BTBD10: variants seen among roughly 807,000 people sequenced by gnomAD.
BTBD10 encodes BTB domain containing 10.
In BTBD10, 21 loss-of-function variants were observed where a neutral mutation model predicts 53.2. The observed-to-expected ratio is 0.39, with a 90% CI of 0.28 to 0.57. BTBD10 has a LOEUF of 0.57. Ranked by LOEUF, BTBD10 falls within the 20% of genes least tolerant of loss-of-function variation. The pLI is 0.53. For synonymous variants in BTBD10, 149 were observed against 192.7 expected (o/e 0.77, Z 1.88); for missense variants, 360 against 594.7 (o/e 0.61, Z 4.10).
intron 1 of BTBD10, among the ~76,000 whole-genome samples, chr11:13,453,443 C>G (rs1282724363): frequency 6.6e-6 from 1 of 152,004 alleles, no homozygotes; most frequent in Non-Finnish European, 1.5e-5. Flanking sequence ...TGTTGTATCC[C>G]TTCATACTAC....
rs1949810324 is a variant in BTBD10, at chr11:13,405,847, A to T, written c.818T>A (p.Met273Lys). 6.2e-7 allele frequency: 1 copy of T among 1,612,338 alleles called. No homozygotes were observed. ...TIKCRDLSAL[M>K]HELSNDGARR... ...AGCACCATCATTTGATAACTCATGC[A>T]TTAGGGCACCTGAAATGAAATCCAC... The change falls in exon 7 of 9, where the codon ATG (methionine) becomes AAG (lysine). Residue 273 changes from methionine (M) to lysine (K), a missense_variant. By Grantham distance (95) the Met-to-Lys change is moderately conservative. Transcript: ENST00000278174.
chr11:13,405,884 A>G (rs1949811951), intron 6 of BTBD10, 28 bp from the exon 7 acceptor site: 2 of 1,602,878 alleles, frequency 1.2e-6, no homozygotes, highest in Non-Finnish European at 1.7e-6. Flanking sequence ...AAAATATCTT[A>G]CCAAAACTTT....
At chr11:13,432,674 T>C (rs1223024679) in intron 2 of BTBD10, among the ~76,000 whole-genome samples, 2 of 151,878 alleles carry the variant, frequency 1.3e-5, no homozygotes, top group African/African-American at 4.8e-5. Context: ...AGGACAGGAA[T>C]GCTGCAATTT....
intron 1 of BTBD10, among the ~76,000 whole-genome samples, chr11:13,449,991 T>C (rs1174426034): frequency 6.6e-6 from 1 of 152,328 alleles, no homozygotes; most frequent in African/African-American, 2.4e-5. Context: ...ACACTCTAAA[T>C]AGTGTCATTA....
chr11:13,442,460 A>G (rs1041417623), intron 2 of BTBD10, among the ~76,000 whole-genome samples: 1 of 152,114 alleles, frequency 6.6e-6, no homozygotes, highest in Non-Finnish European at 1.5e-5. Flanking sequence ...AAGTTTACTC[A>G]TTTCGTTTTT....
chr11:13,420,579 G>A (rs890780110), intron 3 of BTBD10, among the ~76,000 whole-genome samples: 1 of 151,948 alleles, frequency 6.6e-6, no homozygotes, highest in Non-Finnish European at 1.5e-5. Context: ...AACTTTAAAG[G>A]TGACCTAAAA....
chr11:13,458,535 C>T lies in BTBD10; in HGVS notation c.-58+4557G>A, dbSNP rs370106146. 4.6e-5 allele frequency among the ~76,000 whole-genome samples: 7 copies of T among 152,196 alleles called. No individual in the cohort carries two copies. In the East Asian group the frequency reaches 1.3e-3, roughly 29 times the overall value. ...GAAACTTGTGGATTTGTATTCTAGTCTCAGCTGTCTTACTGCCTGCCAATA... is the reference window on the plus strand; with the variant it reads ...GAAACTTGTGGATTTGTATTCTAGTTTCAGCTGTCTTACTGCCTGCCAATA... On this transcript the variant is annotated intron_variant, in intron 1 of 8. Coordinates refer to ENST00000278174, the MANE Select transcript of BTBD10 (RefSeq NM_032320.7).
intron 2 of BTBD10, among the ~76,000 whole-genome samples, chr11:13,444,574 C>T (rs897131130): frequency 1.3e-5 from 2 of 152,106 alleles, no homozygotes; most frequent in African/African-American, 4.8e-5. Flanking sequence ...TAATTTTTCT[C>T]ATTAATGAGA....
chr11:13,418,491 C>G (rs986344550), intron 4 of BTBD10, among the ~76,000 whole-genome samples: 2 of 151,896 alleles, frequency 1.3e-5, no homozygotes, highest in African/African-American at 4.8e-5. Flanking sequence ...TTAACACTGT[C>G]AAGTCATATT....
chr11:13,389,153 AAAG>A lies in BTBD10; in HGVS notation c.1118-15_1118-13del. 1 of 1,597,044 alleles carries A rather than the reference AAAG, an allele frequency of 6.3e-7. No individual in the cohort carries two copies. The highest frequency in any genetic ancestry group is 1.1e-5 in the South Asian group (1 of 88,848). On this transcript the variant is annotated splice_polypyrimidine_tract_variant and intron_variant, in intron 8 of 8. Coordinates refer to ENST00000278174, the MANE Select transcript of BTBD10 (RefSeq NM_032320.7). ...GTAGGTAGGATAACCTGAAAGAAAGAAAGATTTTAAAAACTGAGGAGACACACA... is the reference window on the plus strand; with the variant it reads ...GTAGGTAGGATAACCTGAAAGAAAGAATTTTAAAAACTGAGGAGACACACA...
In BTBD10 at chr11:13,434,376, A is replaced by G. The variant is rs554061387; in HGVS notation, c.101+10648T>C. Among the ~76,000 whole-genome samples the G allele has an allele frequency of 1.2e-4, 19 of 152,340 alleles. No individual in the cohort carries two copies. The South Asian group carries it at 3.7e-3, about 30-fold the overall frequency. On this transcript the variant is annotated intron_variant, in intron 2 of 8. Coordinates refer to ENST00000278174, the MANE Select transcript of BTBD10 (RefSeq NM_032320.7). ...CTCTCTGAGGGGGAAGTGTCTAAAC[A>G]AAGACCTAAAAACGTAAGAAATAGA...
chr11:13,419,701 G>T lies in BTBD10; in HGVS notation c.343C>A (p.Pro115Thr). The T allele has an allele frequency of 1.2e-6, 2 of 1,612,846 alleles. No individual in the cohort carries two copies. Among genetic ancestry groups the T allele is most frequent in the Non-Finnish European group, 1.7e-6 (2 of 1,179,466 alleles). ...HSSSRPSSPR[P>T]QKASPNGSIS... ...GAACCATTTGGGGATGCTTTTTGAG[G>T]ACGCGGACTGCTTGGACGAGAGGAA... is the stretch of plus-strand genomic sequence containing the variant. The change falls in exon 4 of 9, where the codon CCT (proline) becomes ACT (threonine). Residue 115 changes from proline (P) to threonine (T), a missense_variant. Around this residue, in one of 6 missense-constraint regions of BTBD10, gnomAD observed 109 missense variants for 118.6 expected, o/e 0.92. Transcript: ENST00000278174.
intron 1 of BTBD10, among the ~76,000 whole-genome samples, chr11:13,446,823 C>A (rs1372327936): frequency 6.6e-6 from 1 of 151,924 alleles, no homozygotes; most frequent in Non-Finnish European, 1.5e-5. Flanking sequence ...AAAATGTATT[C>A]ATTACAAAAA....
chr11:13,427,457 TGAGA>T (rs1950362482), intron 2 of BTBD10, among the ~76,000 whole-genome samples: 1 of 152,200 alleles, frequency 6.6e-6, no homozygotes, highest in Non-Finnish European at 1.5e-5. Flanking sequence ...CTCTGCCTCA[TGAGA>T]GAGCTTCAAA....
rs193122316 is a variant in BTBD10, at chr11:13,446,341, C to G, written c.-57-1160G>C. Reference sequence around the variant, plus strand: ...CTTTCCTGAGTTTTACACAGTATTGCAGTACAAGTTCACAAAGAATGCCAA... The same window carrying G: ...CTTTCCTGAGTTTTACACAGTATTGGAGTACAAGTTCACAAAGAATGCCAA... On this transcript the variant is annotated intron_variant, in intron 1 of 8. Coordinates refer to ENST00000278174, the MANE Select transcript of BTBD10 (RefSeq NM_032320.7). Among the ~76,000 whole-genome samples, 19 of 152,184 alleles carry G rather than the reference C, an allele frequency of 1.2e-4. 1 individual carries two copies. In the East Asian group the frequency reaches 3.7e-3, roughly 29 times the overall value.
intron 2 of BTBD10, among the ~76,000 whole-genome samples, chr11:13,440,669 C>G (rs1182767210): frequency 6.6e-6 from 1 of 152,126 alleles, no homozygotes; most frequent in African/African-American, 2.4e-5. Context: ...TTTATGCAGT[C>G]TCAGGAGAAA....
At chr11:13,421,558 G>T in intron 3 of BTBD10, 84 bp downstream of exon 3, 1 of 1,224,520 alleles carries the variant, frequency 8.2e-7, no homozygotes, top group Non-Finnish European at 1.1e-6. Context: ...TGCAGTATTA[G>T]GCACAATTCA....
chr11:13,434,360 G>A (rs1221853288), intron 2 of BTBD10, among the ~76,000 whole-genome samples: 1 of 152,148 alleles, frequency 6.6e-6, no homozygotes, highest in East Asian at 1.9e-4. Flanking sequence ...ACTCTCTGAG[G>A]GGGAAGTGTC....
intron 8 of BTBD10, among the ~76,000 whole-genome samples, chr11:13,400,146 G>C (rs12708336): frequency 6.6e-6 from 1 of 152,112 alleles, no homozygotes; most frequent in South Asian, 2.1e-4. Context: ...CCCCCAAAGG[G>C]GGAGCCTACA....
Sources: allele counts gnomAD v4.1 joint callset (sites outside exome capture counted in the v4.1 genomes callset), GRCh38; gene constraint gnomAD v4.1.1; regional missense constraint gnomAD v4.1.1; transcripts MANE v1.5; gene names NCBI Gene and HGNC (gene_info 2026-07-23, HGNC 2026-07-21).